Variants in GNAZ observed in about 807,000 individuals in gnomAD.
The protein encoded by GNAZ is G protein subunit alpha z.
Under a neutral mutation model 25.4 loss-of-function variants are expected in GNAZ, and 3 were observed. That is an observed-to-expected ratio of 0.12 (90% confidence interval 0.05 to 0.30). GNAZ has a LOEUF of 0.30. GNAZ is among the 10% of genes least tolerant of loss of function. The probability of loss-of-function intolerance (pLI) is 1.00; values close to 1 mark genes in which losing one functional copy is unlikely to be tolerated. For synonymous variants in GNAZ, 211 were observed against 205.7 expected (o/e 1.03, Z -0.22); for missense variants, 241 against 501.8 (o/e 0.48, Z 4.97).
intron 2 of GNAZ, among the ~76,000 whole-genome samples, chr22:23,104,178 C>T (rs756310854): frequency 3.3e-5 from 5 of 152,184 alleles, no homozygotes; most frequent in Non-Finnish European, 5.9e-5. Context: ...GAGCACAGAG[C>T]TATGCACAGT....
chr22:23,074,750 G>T (rs149868676), intron 1 of GNAZ, among the ~76,000 whole-genome samples: 144 of 152,294 alleles, frequency 9.5e-4, no homozygotes, highest in African/African-American at 3.4e-3. Context: ...TCACAGTGGC[G>T]CCTCGGGAGG....
chr22:23,071,367 G>C lies in GNAZ; in HGVS notation c.-450+797G>C, dbSNP rs2068368908. Among the ~76,000 whole-genome samples, 1 of 152,206 alleles carries C rather than the reference G, an allele frequency of 6.6e-6. No individual in the cohort carries two copies. The highest frequency in any genetic ancestry group is 1.5e-5 in the Non-Finnish European group (1 of 68,036). The stretch of plus-strand genomic sequence containing the variant: ...GAGAATGGGGGCTCCTGTTAACTGA[G>C]ACAAGAGGATGATGCCAAGCGAGAC... On this transcript the variant is annotated intron_variant, in intron 1 of 2. Coordinates refer to ENST00000615612, the MANE Select transcript of GNAZ (RefSeq NM_002073.4). The surrounding 1 kb of genome is among the most constrained non-coding windows in gnomAD (Gnocchi z 4.1).
chr22:23,115,136 G>A (rs975226669), intron 2 of GNAZ, among the ~76,000 whole-genome samples: 1 of 152,194 alleles, frequency 6.6e-6, no homozygotes, highest in African/African-American at 2.4e-5. Flanking sequence ...AAGGGACCTA[G>A]TGGAGAGTGA....
chr22:23,095,930 G>A lies in GNAZ; in HGVS notation c.235G>A (p.Asp79Asn), dbSNP rs1354293183. Residue 79 changes from aspartate (D) to asparagine (N), a missense_variant, in exon 2 of 3, where the codon GAC (aspartate) becomes AAC (asparagine). Coordinates refer to ENST00000615612, the MANE Select transcript of GNAZ (RefSeq NM_002073.4). ...GCCCCTCATCATCTACAATGCCATC[G>A]ACTCGCTGACCCGCATCATCCGGGC... is the stretch of plus-strand genomic sequence containing the variant. ...YKPLIIYNAI[D>N]SLTRIIRALA... The A allele has an allele frequency of 5.0e-6, 8 of 1,613,170 alleles. No homozygotes were observed. Among genetic ancestry groups the A allele is most frequent in the Admixed American group, 1.7e-5 (1 of 60,026 alleles).
At chr22:23,087,502 G>A (rs529638227) in intron 1 of GNAZ, among the ~76,000 whole-genome samples, 4 of 152,286 alleles carry the variant, frequency 2.6e-5, no homozygotes, top group African/African-American at 7.2e-5. Flanking sequence ...CACCTTGCCC[G>A]CTGCCTAGAC....
intron 1 of GNAZ, among the ~76,000 whole-genome samples, chr22:23,091,352 C>T (rs904448619): frequency 3.3e-5 from 5 of 152,046 alleles, no homozygotes; most frequent in Non-Finnish European, 7.4e-5. Flanking sequence ...ACATAGGCAC[C>T]TATGCATACA....
At position 23,095,875 on chromosome 22, in the gene GNAZ, C is replaced by T. The variant is rs772792464; in HGVS notation, c.180C>T (p.Gly60=). The change falls in exon 2 of 3, where the codon GGC becomes GGT. Residue 60 remains glycine, a synonymous_variant. Transcript: ENST00000615612. ...AGATGAAGATCATCCACAGCGGCGGCTTCAACCTGGAGGCCTGCAAGGAGT... is the reference window on the plus strand; with the variant it reads ...AGATGAAGATCATCCACAGCGGCGGTTTCAACCTGGAGGCCTGCAAGGAGT... ...VKQMKIIHSG[G]FNLEACKEYK... is the part of the protein sequence containing the mutation. The T allele has an allele frequency of 6.2e-7, 1 of 1,613,766 alleles. No individual in the cohort carries two copies. Among genetic ancestry groups the T allele is most frequent in the East Asian group, 2.2e-5 (1 of 44,878 alleles).
intron 2 of GNAZ, among the ~76,000 whole-genome samples, chr22:23,111,075 G>A (rs1489279393): frequency 2.6e-5 from 4 of 152,216 alleles, no homozygotes; most frequent in African/African-American, 7.2e-5. Context: ...CATTTGCTGG[G>A]GGGCCTGCGC....
At position 23,095,227 on chromosome 22, in the gene GNAZ, C is replaced by A. The variant is rs1355759694; in HGVS notation, c.-449-20C>A. 2.9e-5 allele frequency: 5 copies of A among 172,334 alleles called. No individual in the cohort carries two copies. The highest frequency in any genetic ancestry group is 4.9e-5 in the Non-Finnish European group (4 of 81,216). The allele number at this position is 172,334 out of a possible 1,614,324, so 10.7% of individuals were successfully genotyped here. A position where few individuals can be genotyped will look rare whatever the true frequency, so the allele number is the denominator to read the frequency against. ...TGGGGCTGCGGGGAGGAGGCTCACG[C>A]TTTTCTCTGTGTTTGGCAGGTGAAG... On this transcript the variant is annotated intron_variant, in intron 1 of 2. Transcript: ENST00000615612.
At chr22:23,116,418 C>T (rs182945465) in intron 2 of GNAZ, among the ~76,000 whole-genome samples, 6 of 152,370 alleles carry the variant, frequency 3.9e-5, no homozygotes, top group East Asian at 3.9e-4. Flanking sequence ...ATTTGCAGTG[C>T]AGGAGGGAGA....
At chr22:23,107,961 C>T (rs969339553) in intron 2 of GNAZ, among the ~76,000 whole-genome samples, 10 of 152,154 alleles carry the variant, frequency 6.6e-5, no homozygotes, top group Admixed American at 5.2e-4. Context: ...AGGCCCAGCC[C>T]GAGTCCCTTC....
rs1029276067 is a variant in GNAZ at position 23,071,085 on chromosome 22, C to CA, written c.-450+516dup. 6.6e-6 allele frequency among the ~76,000 whole-genome samples: 1 copy of CA among 152,214 alleles called. No individual in the cohort carries two copies. Among genetic ancestry groups the CA allele is most frequent in the African/African-American group, 2.4e-5 (1 of 41,458 alleles). On this transcript the variant is annotated intron_variant, in intron 1 of 2. Coordinates refer to ENST00000615612, the MANE Select transcript of GNAZ (RefSeq NM_002073.4). The surrounding 1 kb of genome is among the most constrained non-coding windows in gnomAD (Gnocchi z 4.1). ...CCTGGGCCCGCAGACGGACAGCTAGCAGTTCTCGGTCACTGCTCTTGCAGC... is the reference window on the plus strand; with the variant it reads ...CCTGGGCCCGCAGACGGACAGCTAGCAAGTTCTCGGTCACTGCTCTTGCAGC...
chr22:23,070,519 G>GCCCCGCCCTT lies in GNAZ; in HGVS notation c.-492_-491insTCCCCGCCCT, dbSNP rs1569156957. 6.6e-6 allele frequency: 1 copy of GCCCCGCCCTT among 150,420 alleles called. No homozygotes were observed. The highest frequency in any genetic ancestry group is 2.0e-4 in the East Asian group (1 of 4,988). 9.3% of individuals were successfully genotyped at this position (150,420 alleles called of 1,614,324 possible). The stretch of plus-strand genomic sequence containing the variant: ...GGCCCCGTGCTCGCCGCCCCGCCCC[G>GCCCCGCCCTT]CCCCGCCCTGCCCGGAGCAGCTCGG... On this transcript the variant is annotated 5_prime_UTR_variant, in exon 1 of 3. Coordinates refer to ENST00000615612, the MANE Select transcript of GNAZ (RefSeq NM_002073.4).
chr22:23,113,302 C>T (rs919669386), intron 2 of GNAZ, among the ~76,000 whole-genome samples: 7 of 152,226 alleles, frequency 4.6e-5, no homozygotes, highest in East Asian at 1.9e-4. Flanking sequence ...GATCTTACCC[C>T]GGCTCCCACC....
intron 1 of GNAZ, among the ~76,000 whole-genome samples, chr22:23,086,777 C>G (rs1054454792): frequency 1.3e-5 from 2 of 152,220 alleles, no homozygotes; most frequent in African/African-American, 2.4e-5. Flanking sequence ...TCTGTGGAGC[C>G]CACTTCCCAC....
chr22:23,091,236 T>A (rs2068963509), intron 1 of GNAZ, among the ~76,000 whole-genome samples: 1 of 152,112 alleles, frequency 6.6e-6, no homozygotes, highest in African/African-American at 2.4e-5. Flanking sequence ...ATGCACACAC[T>A]GGCATACAAG....
chr22:23,097,925 C>T (rs1432245526), intron 2 of GNAZ, among the ~76,000 whole-genome samples: 1 of 152,266 alleles, frequency 6.6e-6, no homozygotes. Context: ...AGGCCTGGCT[C>T]CCAGTTGCAT....
At chr22:23,093,581 A>T (rs2069047274) in intron 1 of GNAZ, among the ~76,000 whole-genome samples, 1 of 152,224 alleles carries the variant, frequency 6.6e-6, no homozygotes, top group Non-Finnish European at 1.5e-5. Context: ...ACAGCAGGGC[A>T]GTGACTGCTA....
intron 2 of GNAZ, among the ~76,000 whole-genome samples, chr22:23,121,231 G>A (rs1458702621): frequency 6.6e-6 from 1 of 152,172 alleles, no homozygotes; most frequent in African/African-American, 2.4e-5. Flanking sequence ...CTGTTATTCC[G>A]AAGCTCATTC....
Sources: gnomAD v4.1 joint callset for allele counts (sites outside exome capture counted in the v4.1 genomes callset) on GRCh38, gnomAD v4.1.1 for gene constraint, Gnocchi (gnomAD v3.1) non-coding constraint, MANE v1.5 for transcripts, NCBI Gene and HGNC (gene_info 2026-07-23, HGNC 2026-07-21) for gene names.